Variants in AGBL1 observed in about 807,000 individuals in gnomAD.
The protein encoded by AGBL1 is cytosolic carboxypeptidase 4.
AGBL1 carries 130 observed loss-of-function variants against 118.9 expected under a neutral mutation model. That is an observed-to-expected ratio of 1.09 (90% CI 0.95 to 1.26). The LOEUF is 1.26. AGBL1 is among the 50% of genes most tolerant of loss of function. The pLI is 0.00. For synonymous variants in AGBL1, 555 were observed against 478.9 expected, an observed-to-expected ratio of 1.16 and a Z score of -2.08; for missense variants, 1,584 against 1,298.1, an observed-to-expected ratio of 1.22 and a Z score of -3.38.
At chr15:86,236,372 G>T (rs1255856849) in intron 6 of AGBL1, among the ~76,000 whole-genome samples, 1 of 149,788 alleles carries the variant, frequency 6.7e-6, no homozygotes, top group East Asian at 2.0e-4. Context: ...TCCAGTAGGG[G>T]ATGAAGCATC....
At chr15:86,458,023 T>C (rs1025912912) in intron 18 of AGBL1, among the ~76,000 whole-genome samples, 1 of 151,694 alleles carries the variant, frequency 6.6e-6, no homozygotes, top group Non-Finnish European at 1.5e-5. Flanking sequence ...TAGGGAGAAA[T>C]GATTTTCCTA....
At chr15:86,381,103 A>G (rs1315301775) in intron 17 of AGBL1, among the ~76,000 whole-genome samples, 1 of 152,242 alleles carries the variant, frequency 6.6e-6, no homozygotes, top group Non-Finnish European at 1.5e-5. Flanking sequence ...AACATAATAA[A>G]ATGCAATCAC....
chr15:86,247,432 A>G (rs2078738590), intron 6 of AGBL1, among the ~76,000 whole-genome samples: 1 of 152,228 alleles, frequency 6.6e-6, no homozygotes, highest in Non-Finnish European at 1.5e-5. Flanking sequence ...GGAACACTAT[A>G]GAAGTGATGC....
intron 19 of AGBL1, among the ~76,000 whole-genome samples, chr15:86,543,881 AG>A (rs1167846730): frequency 6.6e-6 from 1 of 152,198 alleles, no homozygotes; most frequent in East Asian, 1.9e-4. Flanking sequence ...CAACCATTGT[AG>A]GTAGATGAAC....
At chr15:86,747,022 A>C (rs2077767311) in intron 22 of AGBL1, among the ~76,000 whole-genome samples, 1 of 152,046 alleles carries the variant, frequency 6.6e-6, no homozygotes, top group South Asian at 2.1e-4. Context: ...TCATTTCCAT[A>C]ATGGAAACTG....
rs184248495 is a variant in AGBL1 at position 86,151,096 on chromosome 15, T to A, written c.263-3334T>A. On this transcript the variant is annotated intron_variant, in intron 3 of 22. Coordinates refer to ENST00000614907, the MANE Select transcript of AGBL1 (RefSeq NM_001386094.1). ...CATATTCTTACTCATAGGTGGGAATTGAACAATGAGAACACATGGACACAG... is the reference window on the plus strand; with the variant it reads ...CATATTCTTACTCATAGGTGGGAATAGAACAATGAGAACACATGGACACAG... 2.0e-5 allele frequency among the ~76,000 whole-genome samples: 3 copies of A among 149,674 alleles called. No homozygotes were observed. The East Asian group carries it at 5.9e-4, about 30-fold the overall frequency.
At chr15:86,620,500 G>A (rs2084788440) in intron 21 of AGBL1, among the ~76,000 whole-genome samples, 1 of 152,132 alleles carries the variant, frequency 6.6e-6, no homozygotes, top group African/African-American at 2.4e-5. Context: ...ACACTTGTCT[G>A]CATGCTGACC....
intron 17 of AGBL1, among the ~76,000 whole-genome samples, chr15:86,387,299 G>A (rs2081212072): frequency 6.6e-6 from 1 of 152,144 alleles, no homozygotes; most frequent in African/African-American, 2.4e-5. Flanking sequence ...CAGAGGATGG[G>A]TATTTGGTTC....
chr15:86,594,960 G>A (rs2084386184), intron 21 of AGBL1, among the ~76,000 whole-genome samples: 1 of 152,086 alleles, frequency 6.6e-6, no homozygotes, highest in African/African-American at 2.4e-5. Flanking sequence ...TTTCGTCCTT[G>A]TTTCACTTGA....
At chr15:86,192,382 CT>C (rs2077737437) in intron 5 of AGBL1, among the ~76,000 whole-genome samples, 1 of 150,402 alleles carries the variant, frequency 6.6e-6, no homozygotes, top group Non-Finnish European at 1.5e-5. Flanking sequence ...AGTTTATAAA[CT>C]TATATAGTTT....
intron 21 of AGBL1, among the ~76,000 whole-genome samples, chr15:86,564,619 T>C (rs1009358030): frequency 6.6e-6 from 1 of 152,222 alleles, no homozygotes; most frequent in Non-Finnish European, 1.5e-5. Flanking sequence ...TTCGAGTTGC[T>C]CTTCTCAAGG....
chr15:86,611,457 CAG>C (rs2084652454), intron 21 of AGBL1, among the ~76,000 whole-genome samples: 1 of 152,112 alleles, frequency 6.6e-6, no homozygotes, highest in African/African-American at 2.4e-5. Flanking sequence ...TTTTTGTCTG[CAG>C]AGTCATTCAG....
At chr15:86,725,491 A>G (rs1334386197) in intron 22 of AGBL1, among the ~76,000 whole-genome samples, 2 of 152,240 alleles carry the variant, frequency 1.3e-5, no homozygotes, top group Non-Finnish European at 2.9e-5. Flanking sequence ...TAGGGGTACC[A>G]GGCTTAGCTG....
intron 21 of AGBL1, among the ~76,000 whole-genome samples, chr15:86,557,294 T>C (rs899081276): frequency 6.6e-6 from 1 of 152,194 alleles, no homozygotes; most frequent in African/African-American, 2.4e-5. Flanking sequence ...ATCCCGTCCA[T>C]GTGGACAGCT....
At chr15:86,276,194 G>T (rs2079248368) in intron 15 of AGBL1, among the ~76,000 whole-genome samples, 1 of 152,016 alleles carries the variant, frequency 6.6e-6, no homozygotes, top group Non-Finnish European at 1.5e-5. Flanking sequence ...AAGTTCATAG[G>T]CAGCTCTGAT....
chr15:86,599,190 T>TA (rs2084455639), intron 21 of AGBL1, among the ~76,000 whole-genome samples: 2 of 152,270 alleles, frequency 1.3e-5, no homozygotes, highest in East Asian at 3.9e-4. Context: ...AAGCCAGAGT[T>TA]ACAAAAGTTA....
At chr15:86,266,787 G>C (rs548806319) in intron 12 of AGBL1, among the ~76,000 whole-genome samples, 2 of 152,154 alleles carry the variant, frequency 1.3e-5, no homozygotes, top group African/African-American at 4.8e-5. Flanking sequence ...CTGTAGTCCC[G>C]CTACTCGGGA....
intron 21 of AGBL1, among the ~76,000 whole-genome samples, chr15:86,647,782 A>C (rs2085309471): frequency 1.3e-5 from 2 of 152,198 alleles, no homozygotes; most frequent in Admixed American, 1.3e-4. Context: ...CTAGAAGGTG[A>C]TAAGTGTTGT....
At chr15:86,185,120 G>C (rs571044429) in intron 5 of AGBL1, among the ~76,000 whole-genome samples, 1 of 152,288 alleles carries the variant, frequency 6.6e-6, no homozygotes, top group East Asian at 1.9e-4. Flanking sequence ...CTTCTCAAAA[G>C]AAGACATTTA....
Sources: gnomAD v4.1 joint callset for allele counts (sites outside exome capture counted in the v4.1 genomes callset) on GRCh38, gnomAD v4.1.1 for gene constraint, MANE v1.5 for transcripts, NCBI Gene and HGNC (gene_info 2026-07-23, HGNC 2026-07-21) for gene names.